The following GLYR1 variants were observed in gnomAD, a reference collection of about 807,000 sequenced individuals.
The protein encoded by GLYR1 is glyoxylate reductase 1 homolog.
A neutral mutation model predicts 72.7 loss-of-function variants in GLYR1; 21 were observed. That is an observed-to-expected ratio of 0.29 (90% CI 0.20 to 0.42). The LOEUF is 0.42. Among genes scored for constraint, GLYR1 ranks in the 10% least tolerant of loss-of-function variants. The pLI, the probability that GLYR1 is intolerant of heterozygous loss-of-function variation, is 1.00. For synonymous variants in GLYR1, 392 were observed against 270.2 expected, an observed-to-expected ratio of 1.45 and a Z score of -4.42; for missense variants, 594 against 712.1, an observed-to-expected ratio of 0.83 and a Z score of 1.89.
intron 10 of GLYR1, among the ~76,000 whole-genome samples, chr16:4,815,273 T>C (rs889241961): frequency 6.6e-6 from 1 of 152,114 alleles, no homozygotes; most frequent in African/African-American, 2.4e-5. Context: ...TGTGATTTTT[T>C]TTTTTTTCTG....
chr16:4,834,227 G>C (rs1238051989), intron 3 of GLYR1, among the ~76,000 whole-genome samples: 3 of 151,210 alleles, frequency 2.0e-5, no homozygotes, highest in African/African-American at 7.3e-5. Context: ...GGCTAAGTGA[G>C]ATGATGAATG....
intron 12 of GLYR1, 74 bp downstream of exon 12, chr16:4,813,662 GC>G: frequency 7.9e-7 from 1 of 1,270,806 alleles, no homozygotes; most frequent in Non-Finnish European, 1.1e-6. Context: ...TAACTTAACT[GC>G]CCACTCTTGT....
At chr16:4,834,777 C>G (rs1043115894) in intron 3 of GLYR1, among the ~76,000 whole-genome samples, 2 of 152,106 alleles carry the variant, frequency 1.3e-5, no homozygotes, top group African/African-American at 4.8e-5. Flanking sequence ...CAGTGACCAA[C>G]TCATCTTAAA....
chr16:4,811,750 C>G lies in GLYR1; in HGVS notation c.1335G>C (p.Gly445=). The G allele has an allele frequency of 6.2e-7, 1 of 1,614,152 alleles. No homozygotes were observed. Among genetic ancestry groups the G allele is most frequent in the South Asian group, 1.1e-5 (1 of 91,070 alleles). ...CCTCGGCAATAGTGGCCATGAAGCT[C>G]CCTTGGACCATGTTCACGATCAGCA... ...KMMLIVNMVQ[G]SFMATIAEGL... The change falls in exon 14 of 16, where the codon GGG becomes GGC. Residue 445 remains glycine, a synonymous_variant. Transcript: ENST00000321919.
chr16:4,824,184 A>C (rs1189602889), intron 5 of GLYR1, among the ~76,000 whole-genome samples: 1 of 152,222 alleles, frequency 6.6e-6, no homozygotes, highest in Non-Finnish European at 1.5e-5. Flanking sequence ...GCAAAGTTTC[A>C]GAGTAAATGC....
Position 4,807,767 on chromosome 16 carries a change from T to A in GLYR1, c.1588-2457A>T, listed in dbSNP as rs1056343575. On this transcript the variant is annotated intron_variant, in intron 15 of 15. Transcript: ENST00000321919. ...ACATGAAACCCTTGGGAAATAACTA[T>A]AGTCAGAAATGAGCTTTCATCAAAA... 1.3e-5 allele frequency among the ~76,000 whole-genome samples: 2 copies of A among 152,186 alleles called. 1 individual carries two copies. Among genetic ancestry groups the A allele is most frequent in the South Asian group, 4.1e-4 (2 of 4,830 alleles).
intron 3 of GLYR1, among the ~76,000 whole-genome samples, chr16:4,838,761 G>C (rs952596623): frequency 6.6e-6 from 1 of 151,934 alleles, no homozygotes; most frequent in Non-Finnish European, 1.5e-5. Context: ...TAATTTTTTT[G>C]TATTTTTAGG....
chr16:4,847,212 G>T lies in GLYR1; in HGVS notation c.38+16C>A. The T allele has an allele frequency of 6.3e-7, 1 of 1,599,006 alleles. No homozygotes were observed. The highest frequency in any genetic ancestry group is 8.5e-7 in the Non-Finnish European group (1 of 1,174,050). ...CTCCCCGGCGCGTCTCGGTTGGCCCGGCCGCTCGGACTCACCACACCAAGT... is the reference window on the plus strand; with the variant it reads ...CTCCCCGGCGCGTCTCGGTTGGCCCTGCCGCTCGGACTCACCACACCAAGT... On this transcript the variant is annotated intron_variant, in intron 1 of 15. Transcript: ENST00000321919.
chr16:4,844,233 T>C (rs1412378969), intron 3 of GLYR1, among the ~76,000 whole-genome samples: 2 of 152,358 alleles, frequency 1.3e-5, no homozygotes, highest in Middle Eastern at 3.4e-3. Flanking sequence ...CTTCACGTTC[T>C]TCCCGTCACT....
chr16:4,818,677 C>T (rs1269904728), intron 9 of GLYR1, among the ~76,000 whole-genome samples: 4 of 152,164 alleles, frequency 2.6e-5, no homozygotes, highest in Admixed American at 6.6e-5. Context: ...TGAACCAGGA[C>T]GGCAATTTTC....
chr16:4,828,026 A>AT (rs539090723), intron 5 of GLYR1, among the ~76,000 whole-genome samples: 59 of 147,518 alleles, frequency 4.0e-4, no homozygotes, highest in Admixed American at 2.9e-3. Flanking sequence ...CTCTGTCAGC[A>AT]TTTTTTTTTT....
chr16:4,843,171 T>G (rs367842872), intron 3 of GLYR1, among the ~76,000 whole-genome samples: 6 of 152,332 alleles, frequency 3.9e-5, no homozygotes, highest in East Asian at 3.9e-4. Context: ...TTCCTGTTTT[T>G]CTTTTTCTTT....
chr16:4,825,351 C>G (rs555018671), intron 5 of GLYR1, among the ~76,000 whole-genome samples: 1 of 152,192 alleles, frequency 6.6e-6, no homozygotes, highest in Non-Finnish European at 1.5e-5. Context: ...GGCTTTCCCC[C>G]CCGCACCAAA....
chr16:4,842,776 T>C (rs2085659408), intron 3 of GLYR1, among the ~76,000 whole-genome samples: 1 of 152,178 alleles, frequency 6.6e-6, no homozygotes, highest in Non-Finnish European at 1.5e-5. Flanking sequence ...CTCAGCTCAC[T>C]GCAACCTCCG....
intron 12 of GLYR1, among the ~76,000 whole-genome samples, chr16:4,812,769 G>A (rs1463282467): frequency 1.3e-5 from 2 of 151,732 alleles, no homozygotes; most frequent in African/African-American, 4.8e-5. Context: ...TGGATTACAG[G>A]AGTGAGCCAC....
intron 15 of GLYR1, among the ~76,000 whole-genome samples, chr16:4,805,811 A>T (rs1400052649): frequency 2.1e-5 from 3 of 143,960 alleles, no homozygotes; most frequent in African/African-American, 7.6e-5. Context: ...CCCCTTCTTT[A>T]AAAAAAAAAA....
At position 4,838,416 on chromosome 16, in the gene GLYR1, G is replaced by A. The variant is rs73517017; in HGVS notation, c.156-5504C>T. ...CTGTGCACTTCCTGAAAGGGCTGCT[G>A]TGAGGACTGGAGGGGAAGACTGCTA... On this transcript the variant is annotated intron_variant, in intron 3 of 15. Transcript: ENST00000321919. 6.8e-3 allele frequency among the ~76,000 whole-genome samples: 1,036 copies of A among 152,246 alleles called. 10 individuals carry two copies. The highest frequency in any genetic ancestry group is 0.024 in the African/African-American group (986 of 41,522).
intron 15 of GLYR1, 66 bp from the exon 16 acceptor site, chr16:4,805,376 C>T (rs1288977872): frequency 7.3e-7 from 1 of 1,374,124 alleles, no homozygotes. Flanking sequence ...GACCTGATTC[C>T]TGGAGGCAGT....
At chr16:4,819,192 G>T (rs545818965) in intron 9 of GLYR1, among the ~76,000 whole-genome samples, 2 of 150,990 alleles carry the variant, frequency 1.3e-5, no homozygotes, top group South Asian at 4.2e-4. Flanking sequence ...TATTTAAAAA[G>T]AGAGATGGGG....
Sources: allele counts gnomAD v4.1 joint callset (sites outside exome capture counted in the v4.1 genomes callset), GRCh38; gene constraint gnomAD v4.1.1; transcripts MANE v1.5; gene names NCBI Gene and HGNC (gene_info 2026-07-23, HGNC 2026-07-21).